The following METAP2 variants were observed in gnomAD, a reference collection of about 807,000 sequenced individuals.
The protein encoded by METAP2 is methionyl aminopeptidase 2.
Under a neutral mutation model 59.4 loss-of-function variants are expected in METAP2, and 25 were observed. That is an observed-to-expected ratio of 0.42 (90% CI 0.31 to 0.59). The LOEUF (loss-of-function observed/expected upper bound fraction) is 0.59. METAP2 is among the 20% of genes least tolerant of loss of function. The pLI is 0.16. For synonymous variants in METAP2, 214 were observed against 194.1 expected, an observed-to-expected ratio of 1.10 and a Z score of -0.85; for missense variants, 366 against 581.2, an observed-to-expected ratio of 0.63 and a Z score of 3.81.
At chr12:95,478,614 A>G (rs2076137696) in intron 2 of METAP2, among the ~76,000 whole-genome samples, 1 of 152,198 alleles carries the variant, frequency 6.6e-6, no homozygotes, top group Non-Finnish European at 1.5e-5. Flanking sequence ...CCTGGGCAAC[A>G]AAAGTGAAAC....
At chr12:95,503,340 C>T (rs1463177837) in intron 7 of METAP2, among the ~76,000 whole-genome samples, 1 of 152,080 alleles carries the variant, frequency 6.6e-6, no homozygotes, top group Non-Finnish European at 1.5e-5. Context: ...AGAATTTTCT[C>T]ATATATGCAG....
At chr12:95,479,387 C>A (rs1272596436) in intron 2 of METAP2, among the ~76,000 whole-genome samples, 2 of 152,096 alleles carry the variant, frequency 1.3e-5, no homozygotes, top group Non-Finnish European at 2.9e-5. Context: ...GTGCTGTTGA[C>A]TGAAATAGTG....
chr12:95,499,525 T>C (rs962287409), intron 7 of METAP2, among the ~76,000 whole-genome samples: 1 of 151,500 alleles, frequency 6.6e-6, no homozygotes, highest in African/African-American at 2.4e-5. Context: ...TTTTTCAAAA[T>C]TGTTTGTCTA....
intron 4 of METAP2, among the ~76,000 whole-genome samples, chr12:95,486,623 G>C (rs903955031): frequency 2.6e-5 from 4 of 151,696 alleles, no homozygotes; most frequent in Non-Finnish European, 5.9e-5. Context: ...CCAGCCTCCC[G>C]AGTAGCTGAG....
intron 8 of METAP2, among the ~76,000 whole-genome samples, chr12:95,509,222 T>C (rs1383508372): frequency 6.6e-6 from 1 of 152,212 alleles, no homozygotes; most frequent in African/African-American, 2.4e-5. Context: ...TTTAAAAAAA[T>C]TGATTGGCTT....
chr12:95,480,228 A>T (rs1324206660), intron 2 of METAP2, among the ~76,000 whole-genome samples: 1 of 152,184 alleles, frequency 6.6e-6, no homozygotes, highest in East Asian at 1.9e-4. Context: ...TATCAATAGC[A>T]CATTCCTTTT....
chr12:95,483,101 TA>T (rs1311054735), intron 2 of METAP2, 113 bp from the exon 3 acceptor site: 6 of 820,128 alleles, frequency 7.3e-6, no homozygotes, highest in Non-Finnish European at 1.2e-5. Context: ...CAAGATAAAA[TA>T]AACTAACGTT....
intron 4 of METAP2, among the ~76,000 whole-genome samples, chr12:95,489,730 T>C (rs1183396477): frequency 6.6e-6 from 1 of 152,162 alleles, no homozygotes; most frequent in Non-Finnish European, 1.5e-5. Flanking sequence ...CCCAGCTACT[T>C]GGGAGGCTGA....
intron 1 of METAP2, among the ~76,000 whole-genome samples, chr12:95,475,669 T>C (rs1300692542): frequency 1.3e-5 from 2 of 152,210 alleles, no homozygotes; most frequent in Admixed American, 6.5e-5. Context: ...CATCGTGATA[T>C]CCTTATTCAT....
chr12:95,488,136 G>A (rs2076211087), intron 4 of METAP2, among the ~76,000 whole-genome samples: 1 of 151,940 alleles, frequency 6.6e-6, no homozygotes, highest in Non-Finnish European at 1.5e-5. Context: ...TTGATCGTAG[G>A]CTTTATGATA....
intron 8 of METAP2, among the ~76,000 whole-genome samples, chr12:95,508,153 C>T (rs953175396): frequency 1.1e-4 from 17 of 152,066 alleles, no homozygotes; most frequent in Non-Finnish European, 5.9e-5. Context: ...TACATTAAGA[C>T]ATGATTTAAA....
At chr12:95,489,440 A>T (rs1023582846) in intron 4 of METAP2, among the ~76,000 whole-genome samples, 1 of 152,218 alleles carries the variant, frequency 6.6e-6, no homozygotes, top group African/African-American at 2.4e-5. Flanking sequence ...AGAAATACAG[A>T]ATAAGTATAA....
At chr12:95,478,889 T>C (rs1164727584) in intron 2 of METAP2, among the ~76,000 whole-genome samples, 1 of 151,804 alleles carries the variant, frequency 6.6e-6, no homozygotes, top group Non-Finnish European at 1.5e-5. Context: ...AGGTGATAGA[T>C]TGAGGGAGCC....
rs2076270175 is a variant in METAP2 at position 95,495,542 on chromosome 12, AC to A, written c.772+406del. The stretch of plus-strand genomic sequence containing the variant: ...TTTGCTTTTCTGAATTCTCTCCAAA[AC>A]CTGGTTAGGTAAGCACCTTGTTATC... On this transcript the variant is annotated intron_variant, in intron 6 of 10. Coordinates refer to ENST00000323666, the MANE Select transcript of METAP2 (RefSeq NM_006838.4). Among the ~76,000 whole-genome samples the A allele has an allele frequency of 3.3e-5, 5 of 152,260 alleles. No individual in the cohort carries two copies. In the South Asian group the frequency reaches 1.0e-3, roughly 32 times the overall value.
intron 7 of METAP2, among the ~76,000 whole-genome samples, chr12:95,502,137 G>A (rs1484409546): frequency 6.6e-6 from 1 of 151,818 alleles, no homozygotes; most frequent in Non-Finnish European, 1.5e-5. Context: ...CAAGTAGCTG[G>A]GACTATAGGC....
At chr12:95,504,664 C>T (rs193198030) in intron 8 of METAP2, among the ~76,000 whole-genome samples, 129 of 151,988 alleles carry the variant, frequency 8.5e-4, no homozygotes, top group Admixed American at 5.3e-4. Context: ...CCACCATGCC[C>T]GGCTGATTTT....
intron 7 of METAP2, among the ~76,000 whole-genome samples, chr12:95,500,045 A>G (rs1463090607): frequency 6.6e-6 from 1 of 152,202 alleles, no homozygotes; most frequent in Non-Finnish European, 1.5e-5. Context: ...GTCAAACCGT[A>G]TCAGATGTGT....
chr12:95,486,020 A>C, intron 4 of METAP2, 39 bp downstream of exon 4: 1 of 1,347,330 alleles, frequency 7.4e-7, no homozygotes, highest in South Asian at 1.3e-5. Flanking sequence ...AATTTCTGAC[A>C]GTTATAGCTT....
At chr12:95,492,132 T>TTGTGTGTGTGTGTGTGTGTGTG (rs61423721) in intron 4 of METAP2, among the ~76,000 whole-genome samples, 2 of 149,312 alleles carry the variant, frequency 1.3e-5, no homozygotes, top group African/African-American at 5.0e-5. Flanking sequence ...ATATGTGTGT[T>TTGTGTGTGTGTGTGTGTGTGTG]TGTGTGTGTG....
Sources: allele counts gnomAD v4.1 joint callset (sites outside exome capture counted in the v4.1 genomes callset), GRCh38; gene constraint gnomAD v4.1.1; transcripts MANE v1.5; gene names NCBI Gene and HGNC (gene_info 2026-07-23, HGNC 2026-07-21).